TMEM255B: variants seen among roughly 807,000 people sequenced by gnomAD.
TMEM255B encodes the protein family with sequence similarity 70, member B.
In TMEM255B, 35 loss-of-function variants were observed where a neutral mutation model predicts 34.5. The observed-to-expected ratio is 1.01, with a 90% CI of 0.77 to 1.34. TMEM255B has a LOEUF of 1.34. Ranked by LOEUF, TMEM255B falls within the 40% of genes most tolerant of loss-of-function variation. TMEM255B has a pLI of 0.00. For missense variants in TMEM255B, 432 were observed against 433.2 expected, an observed-to-expected ratio of 1.00 and a Z score of 0.02; for synonymous variants, 206 against 201.2, an observed-to-expected ratio of 1.02 and a Z score of -0.20.
At chr13:113,800,100 G>C in intron 5 of TMEM255B, 3 of 1,171,136 alleles carry the variant, frequency 2.6e-6, no homozygotes, top group Non-Finnish European at 2.1e-6. Context: ...GTGTGTGGGG[G>C]GGGGTAGGCA....
intron 3 of TMEM255B, among the ~76,000 whole-genome samples, chr13:113,773,176 A>G (rs1266956750): frequency 6.6e-6 from 1 of 152,136 alleles, no homozygotes; most frequent in African/African-American, 2.4e-5. Context: ...ATTCTTAGGT[A>G]CTTTATTCTT....
chr13:113,784,163 G>T (rs2050705841), intron 3 of TMEM255B, among the ~76,000 whole-genome samples: 1 of 152,136 alleles, frequency 6.6e-6, no homozygotes, highest in Admixed American at 6.6e-5. Context: ...GCCGAGCGGG[G>T]AGGGTGTAGG....
intron 1 of TMEM255B, among the ~76,000 whole-genome samples, chr13:113,759,685 G>C (rs2050264050): frequency 1.3e-5 from 2 of 152,164 alleles, no homozygotes; most frequent in South Asian, 4.1e-4. Flanking sequence ...CCCAAAGTGC[G>C]CTCCTTCCCC....
At chr13:113,804,100 G>A (rs2138578860) in intron 7 of TMEM255B, among the ~76,000 whole-genome samples, 1 of 152,308 alleles carries the variant, frequency 6.6e-6, no homozygotes, top group African/African-American at 2.4e-5. Flanking sequence ...CGAAGCCCGG[G>A]TGCCCTCGGC....
chr13:113,767,178 C>T (rs1427734170), intron 2 of TMEM255B, among the ~76,000 whole-genome samples: 2 of 151,982 alleles, frequency 1.3e-5, no homozygotes, highest in Admixed American at 1.3e-4. Context: ...GATTTTTGGC[C>T]CTAAGTATTT....
At position 113,812,794 on chromosome 13, in the gene TMEM255B, G is replaced by GC; in HGVS notation, c.*891_*892insC. On this transcript the variant is annotated 3_prime_UTR_variant, in exon 9 of 9. Transcript: ENST00000375353. ...GTCACAGGCCCCGGGTGGGTCACAG[G>GC]ACAGGTCTCAGGTGGGTCACAGGTC... 1 of 132,018 alleles carries GC rather than the reference G, an allele frequency of 7.6e-6. No homozygotes were observed. The highest frequency in any genetic ancestry group is 3.6e-5 in the African/African-American group (1 of 27,522). 8.2% of individuals were successfully genotyped at this position (132,018 alleles called of 1,614,324 possible).
intron 3 of TMEM255B, among the ~76,000 whole-genome samples, chr13:113,789,286 C>G (rs1472473873): frequency 1.3e-5 from 2 of 152,174 alleles, no homozygotes; most frequent in Non-Finnish European, 2.9e-5. Context: ...ATCTTCACAG[C>G]CTTCAGTCCA....
chr13:113,805,178 C>T (rs1164968693), intron 8 of TMEM255B, 150 bp downstream of exon 8: 21 of 1,038,788 alleles, frequency 2.0e-5, no homozygotes, highest in African/African-American at 5.0e-5. Flanking sequence ...ACAACCCTGC[C>T]GTCAGGGCAC....
chr13:113,778,540 C>T (rs1221275736), intron 3 of TMEM255B, among the ~76,000 whole-genome samples: 4 of 148,216 alleles, frequency 2.7e-5, no homozygotes, highest in Non-Finnish European at 5.9e-5. Context: ...GGGTGAGTCT[C>T]GATTTCACCT....
Position 113,795,180 on chromosome 13 carries a change from C to T in TMEM255B, c.285C>T (p.Gly95=), listed in dbSNP as rs748231930. ...LVAAIVFISF[G]VVAAFCCAIV... is the part of the protein sequence containing the mutation. ...CAGCGATCGTGTTTATCAGTTTTGG[C>T]GTGGTGGCCGCCTTCTGCTGCGCCA... Residue 95 remains glycine, a synonymous_variant, in exon 4 of 9, where the codon GGC becomes GGT. Transcript: ENST00000375353. The T allele has an allele frequency of 1.1e-5, 18 of 1,613,818 alleles. No individual in the cohort carries two copies. Among genetic ancestry groups the T allele is most frequent in the African/African-American group, 4.0e-5 (3 of 74,922 alleles).
chr13:113,801,123 C>T (rs2051051824), intron 6 of TMEM255B, among the ~76,000 whole-genome samples: 1 of 152,212 alleles, frequency 6.6e-6, no homozygotes, highest in Admixed American at 6.5e-5. Context: ...CACACCCCTG[C>T]ACCTACATCG....
chr13:113,811,192 A>C (rs113958398), intron 8 of TMEM255B, among the ~76,000 whole-genome samples: 952 of 24,760 alleles, frequency 0.038, 3 homozygotes, highest in Admixed American at 0.061. Flanking sequence ...GGTGGGGGCC[A>C]GTGAGAGAGG....
At chr13:113,777,905 T>C (rs1295516905) in intron 3 of TMEM255B, among the ~76,000 whole-genome samples, 1 of 152,140 alleles carries the variant, frequency 6.6e-6, no homozygotes, top group African/African-American at 2.4e-5. Context: ...TTGCTAACAA[T>C]AACCAATCCA....
intron 3 of TMEM255B, among the ~76,000 whole-genome samples, chr13:113,794,272 G>C (rs1353251972): frequency 6.6e-6 from 1 of 152,126 alleles, no homozygotes; most frequent in Admixed American, 6.5e-5. Flanking sequence ...GAGTCTGGAC[G>C]AGCACCCACG....
rs780313123 is a variant in TMEM255B, at chr13:113,801,727, T to C, written c.584T>C (p.Leu195Pro). The C allele has an allele frequency of 6.2e-7, 1 of 1,613,190 alleles. No homozygotes were observed. The highest frequency in any genetic ancestry group is 1.1e-5 in the South Asian group (1 of 90,980). The change falls in exon 7 of 9, where the codon CTG (leucine) becomes CCG (proline). Residue 195 changes from leucine to proline, a missense_variant. By Grantham distance (98) the Leu-to-Pro change is moderately conservative. Transcript: ENST00000375353. ...CAGGACGTGCTGCACCTGTACCGCC[T>C]GCTCTGGGCCTCTGCAGTTCTGAAC... is the stretch of plus-strand genomic sequence containing the variant. ...GCQDVLHLYR[L>P]LWASAVLNVL... is the part of the protein sequence containing the mutation.
chr13:113,788,723 G>A (rs2050781500), intron 3 of TMEM255B, among the ~76,000 whole-genome samples: 1 of 152,062 alleles, frequency 6.6e-6, no homozygotes, highest in Admixed American at 6.5e-5. Flanking sequence ...GTTTGTCTCT[G>A]CACACTCGAC....
At chr13:113,802,932 C>G (rs891954666) in intron 7 of TMEM255B, 1 of 147,658 alleles carries the variant, frequency 6.8e-6, no homozygotes, top group East Asian at 1.9e-4. Context: ...AGTCTGGGGT[C>G]GGGAAGGGTC....
At chr13:113,781,559 G>A (rs775580042) in intron 3 of TMEM255B, among the ~76,000 whole-genome samples, 5 of 152,312 alleles carry the variant, frequency 3.3e-5, no homozygotes, top group African/African-American at 9.6e-5. Flanking sequence ...ACCTTGGTAC[G>A]TTTGGGATTT....
intron 2 of TMEM255B, among the ~76,000 whole-genome samples, chr13:113,767,019 C>T (rs1007734625): frequency 1.2e-4 from 18 of 152,156 alleles, no homozygotes; most frequent in African/African-American, 4.1e-4. Flanking sequence ...GGATCAGCTG[C>T]GATGCCCTTC....
Sources: allele counts gnomAD v4.1 joint callset (sites outside exome capture counted in the v4.1 genomes callset), GRCh38; gene constraint gnomAD v4.1.1; transcripts MANE v1.5; gene names NCBI Gene and HGNC (gene_info 2026-07-23, HGNC 2026-07-21).